MYO3A: variants seen among roughly 807,000 people sequenced by gnomAD.
MYO3A encodes the protein myosin-IIIa.
MYO3A carries 180 observed loss-of-function variants against 192.7 expected under a neutral mutation model. That is an observed-to-expected ratio of 0.93 (90% confidence interval 0.83 to 1.06). MYO3A has a LOEUF of 1.06. Among genes scored for constraint, MYO3A ranks in the 50% least tolerant of loss-of-function variants. The probability of loss-of-function intolerance (pLI) is 0.00; values close to 1 mark genes in which losing one functional copy is unlikely to be tolerated. For synonymous variants in MYO3A, 628 were observed against 645.3 expected, an observed-to-expected ratio of 0.97 and a Z score of 0.41; for missense variants, 1,896 against 1,905.0, an observed-to-expected ratio of 1.00 and a Z score of 0.09.
chr10:26,151,912 A>G (rs1278490314), intron 23 of MYO3A, among the ~76,000 whole-genome samples: 2 of 152,172 alleles, frequency 1.3e-5, no homozygotes, highest in Non-Finnish European at 2.9e-5. Flanking sequence ...TTCATTTTGT[A>G]TGTCTTTTTA....
intron 2 of MYO3A, among the ~76,000 whole-genome samples, chr10:25,945,769 C>G (rs1836795241): frequency 6.6e-6 from 1 of 151,936 alleles, no homozygotes; most frequent in Non-Finnish European, 1.5e-5. Context: ...AAGAACTTAC[C>G]ATTATCATTT....
At chr10:26,201,463 G>A (rs111728612) in intron 33 of MYO3A, among the ~76,000 whole-genome samples, 158 bp downstream of exon 33, 6 of 152,040 alleles carry the variant, frequency 3.9e-5, no homozygotes, top group African/African-American at 1.2e-4. Context: ...GGTGGATCAC[G>A]AGGTCAGGAG....
intron 31 of MYO3A, among the ~76,000 whole-genome samples, chr10:26,183,617 G>T (rs189644894): frequency 1.4e-4 from 22 of 152,292 alleles, no homozygotes; most frequent in African/African-American, 5.3e-4. Context: ...TCAGAGAGCG[G>T]CCAAAAGCTA....
intron 10 of MYO3A, among the ~76,000 whole-genome samples, chr10:26,043,196 T>C (rs1843451122): frequency 6.7e-6 from 1 of 148,492 alleles, no homozygotes; most frequent in Non-Finnish European, 1.5e-5. Flanking sequence ...TGTTCTGAGC[T>C]AGATCTAGGG....
chr10:26,197,088 A>C (rs1300830233), intron 32 of MYO3A, among the ~76,000 whole-genome samples: 1 of 152,246 alleles, frequency 6.6e-6, no homozygotes, highest in Non-Finnish European at 1.5e-5. Context: ...CCACACAGAA[A>C]GCCAATCACT....
intron 10 of MYO3A, among the ~76,000 whole-genome samples, chr10:26,040,526 A>G (rs1208559945): frequency 6.6e-6 from 1 of 152,188 alleles, no homozygotes; most frequent in Non-Finnish European, 1.5e-5. Context: ...TGCTATAAAT[A>G]GAATGTTATC....
At chr10:26,184,088 G>A (rs893592389) in intron 31 of MYO3A, among the ~76,000 whole-genome samples, 5 of 152,154 alleles carry the variant, frequency 3.3e-5, no homozygotes, top group Non-Finnish European at 7.4e-5. Context: ...CATGTCCGTC[G>A]GTGCTAAAGG....
chr10:25,977,771 G>C (rs1329625615), intron 4 of MYO3A, among the ~76,000 whole-genome samples: 1 of 151,916 alleles, frequency 6.6e-6, no homozygotes, highest in Non-Finnish European at 1.5e-5. Context: ...CAAACCTTAG[G>C]TATGTGTTCT....
intron 10 of MYO3A, among the ~76,000 whole-genome samples, chr10:26,036,289 T>C (rs1006335879): frequency 6.6e-6 from 1 of 152,038 alleles, no homozygotes; most frequent in Non-Finnish European, 1.5e-5. Flanking sequence ...GTGGAAAAAC[T>C]AAGTTTAAGA....
intron 34 of MYO3A, among the ~76,000 whole-genome samples, chr10:26,206,757 A>AT (rs1843976652): frequency 6.6e-6 from 1 of 152,072 alleles, no homozygotes; most frequent in African/African-American, 2.4e-5. Context: ...CCTGATTTTA[A>AT]TTTTTTAAGG....
chr10:26,120,917 A>T, intron 18 of MYO3A, 115 bp downstream of exon 18: 1 of 1,330,988 alleles, frequency 7.5e-7, no homozygotes, highest in South Asian at 1.2e-5. Flanking sequence ...CCTTAAAAGA[A>T]TACTCAGATT....
chr10:26,148,316 T>C (rs1007082015), intron 23 of MYO3A, among the ~76,000 whole-genome samples: 4 of 152,238 alleles, frequency 2.6e-5, no homozygotes, highest in African/African-American at 9.6e-5. Flanking sequence ...AATTGACTAA[T>C]AAATAGGTCT....
intron 17 of MYO3A, among the ~76,000 whole-genome samples, chr10:26,111,018 C>A (rs1838144979): frequency 6.6e-6 from 1 of 151,852 alleles, no homozygotes; most frequent in Non-Finnish European, 1.5e-5. Flanking sequence ...GTGATTACAA[C>A]CATGCCCAGC....
intron 10 of MYO3A, among the ~76,000 whole-genome samples, chr10:26,047,052 C>T (rs1383019076): frequency 6.6e-6 from 1 of 152,106 alleles, no homozygotes; most frequent in Admixed American, 6.5e-5. Flanking sequence ...TTACTGATAG[C>T]ATTACCTGTT....
chr10:26,161,923 T>A (rs984654905), intron 26 of MYO3A, among the ~76,000 whole-genome samples: 42 of 152,302 alleles, frequency 2.8e-4, no homozygotes, highest in Middle Eastern at 3.4e-3. Context: ...AACGTTTAGT[T>A]GAGGGACCCA....
At chr10:26,191,600 C>G (rs1160652871) in intron 31 of MYO3A, among the ~76,000 whole-genome samples, 2 of 152,226 alleles carry the variant, frequency 1.3e-5, no homozygotes, top group Non-Finnish European at 2.9e-5. Flanking sequence ...CTGTGAAGTA[C>G]TCCCAATTAG....
intron 32 of MYO3A, 24 bp downstream of exon 32, chr10:26,193,335 A>AGT: frequency 6.4e-7 from 1 of 1,558,742 alleles, no homozygotes; most frequent in Non-Finnish European, 8.8e-7. Flanking sequence ...TCTTACTATC[A>AGT]GATGGGAGCC....
intron 2 of MYO3A, among the ~76,000 whole-genome samples, chr10:25,947,810 A>G (rs1258199709): frequency 1.3e-5 from 2 of 152,140 alleles, no homozygotes; most frequent in East Asian, 3.9e-4. Context: ...ATATTTATGG[A>G]CTATCTACTA....
At chr10:25,941,514 TCTC>T (rs1248357299) in intron 2 of MYO3A, among the ~76,000 whole-genome samples, 1 of 152,190 alleles carries the variant, frequency 6.6e-6, no homozygotes, top group Non-Finnish European at 1.5e-5. Context: ...GTCATCCCAT[TCTC>T]CTCTCCCTAT....
Sources: allele counts gnomAD v4.1 joint callset (sites outside exome capture counted in the v4.1 genomes callset), GRCh38; gene constraint gnomAD v4.1.1; transcripts MANE v1.5; gene names NCBI Gene and HGNC (gene_info 2026-07-23, HGNC 2026-07-21).